Variants in ADAMTSL3 observed in about 807,000 individuals in gnomAD.
ADAMTSL3 encodes ADAMTS like 3, also known as ADAMTS-like protein 3.
Under a neutral mutation model 201.7 loss-of-function variants are expected in ADAMTSL3, and 128 were observed. The observed-to-expected ratio is 0.63, with a 90% CI of 0.55 to 0.73. The LOEUF is 0.73. Ranked by LOEUF, ADAMTSL3 falls within the 30% of genes least tolerant of loss-of-function variation. The pLI is 0.00. For missense variants in ADAMTSL3, 1,990 were observed against 2,119.6 expected (o/e 0.94, Z 1.20); for synonymous variants, 738 against 748.4 (o/e 0.99, Z 0.23).
rs1567318751 is a variant in ADAMTSL3 at position 84,037,916 on chromosome 15, T to C, written c.*110T>C. 2 of 1,433,536 alleles carry C rather than the reference T, an allele frequency of 1.4e-6. No homozygotes were observed. The highest frequency in any genetic ancestry group is 4.9e-5 in the East Asian group (2 of 40,518). 88.8% of individuals were successfully genotyped at this position (1,433,536 alleles called of 1,614,324 possible). A position where few individuals can be genotyped will look rare whatever the true frequency, so the allele number is the denominator to read the frequency against. ...GTATTTCTTAAAAGACTAGATTCTA[T>C]GGATCAAACAGAGGTTGATGCAAAA... On this transcript the variant is annotated 3_prime_UTR_variant, in exon 30 of 30. Coordinates refer to ENST00000286744, the MANE Select transcript of ADAMTSL3 (RefSeq NM_207517.3).
At chr15:83,859,513 A>G (rs2064811142) in intron 8 of ADAMTSL3, among the ~76,000 whole-genome samples, 1 of 152,194 alleles carries the variant, frequency 6.6e-6, no homozygotes. Context: ...TGTTATCTTC[A>G]GTTTCTATAG....
At chr15:83,886,600 G>C (rs2065396125) in intron 10 of ADAMTSL3, among the ~76,000 whole-genome samples, 1 of 152,124 alleles carries the variant, frequency 6.6e-6, no homozygotes, top group Non-Finnish European at 1.5e-5. Context: ...CCAGATCAGG[G>C]TATACAGGCT....
intron 7 of ADAMTSL3, among the ~76,000 whole-genome samples, chr15:83,852,838 G>A (rs2064647488): frequency 6.6e-6 from 1 of 152,042 alleles, no homozygotes; most frequent in South Asian, 2.1e-4. Context: ...AGATTTAAAT[G>A]TTGTTTTTGT....
At chr15:83,804,573 C>CTTTTTTTTTTT (rs59422343) in intron 4 of ADAMTSL3, 77 bp from the exon 5 acceptor site, 3 of 655,938 alleles carry the variant, frequency 4.6e-6, no homozygotes, top group African/African-American at 2.6e-5. Flanking sequence ...CTTGTATTTG[C>CTTTTTTTTTTT]TTTTTTTTTT....
chr15:83,669,249 G>T (rs911970255), intron 2 of ADAMTSL3, among the ~76,000 whole-genome samples: 2 of 151,588 alleles, frequency 1.3e-5, no homozygotes, highest in Non-Finnish European at 2.9e-5. Flanking sequence ...GGGTTCAAGC[G>T]ATTCTCCTGC....
At chr15:83,947,961 C>T (rs17370572) in intron 19 of ADAMTSL3, among the ~76,000 whole-genome samples, 17,411 of 152,198 alleles carry the variant, frequency 0.11, 1,462 homozygotes, top group Non-Finnish European at 0.17. Context: ...TGTCCATGTA[C>T]CACTGTCTTC....
intron 5 of ADAMTSL3, among the ~76,000 whole-genome samples, chr15:83,808,514 T>C (rs1216675667): frequency 6.6e-6 from 1 of 152,208 alleles, no homozygotes; most frequent in African/African-American, 2.4e-5. Flanking sequence ...AAGGGAACCC[T>C]TATTGCTATT....
Position 84,025,267 on chromosome 15 carries a change from CTG to C in ADAMTSL3, c.4491_4492del (p.Ser1498LeufsTer3). 6.2e-7 allele frequency: 1 copy of C among 1,611,998 alleles called. No individual in the cohort carries two copies. Among genetic ancestry groups the C allele is most frequent in the Non-Finnish European group, 8.5e-7 (1 of 1,178,934 alleles). On this transcript the variant is annotated frameshift_variant, in exon 27 of 30. Transcript: ENST00000286744. LOFTEE classifies it high-confidence loss of function. ...TTCACAAGTGTGTGGTCACAGTGCT[CTG>C]TGTCTTGCGGTGAAGGATACCACAG...
At chr15:83,956,529 C>T (rs1288340717) in intron 19 of ADAMTSL3, among the ~76,000 whole-genome samples, 2 of 152,160 alleles carry the variant, frequency 1.3e-5, no homozygotes, top group Non-Finnish European at 2.9e-5. Flanking sequence ...TTTTGCTAAG[C>T]ACTCTTCTAC....
chr15:83,897,200 A>G (rs2065633646), intron 13 of ADAMTSL3, among the ~76,000 whole-genome samples: 1 of 152,236 alleles, frequency 6.6e-6, no homozygotes, highest in South Asian at 2.1e-4. Context: ...GTAACTTTCA[A>G]ATCATAAACA....
At chr15:83,860,169 G>T (rs2064825595) in intron 8 of ADAMTSL3, among the ~76,000 whole-genome samples, 1 of 152,118 alleles carries the variant, frequency 6.6e-6, no homozygotes, top group Non-Finnish European at 1.5e-5. Flanking sequence ...TTGCACCACT[G>T]CAATCTGCCA....
In ADAMTSL3 at chr15:83,955,310, G is replaced by A. The variant is rs552819755; in HGVS notation, c.2490+12228G>A. ...CCATGGCCATCATCATCAGCAGTCCGTAGAGAGTTCTGCCAGGCTACCATT... is the reference window on the plus strand; with the variant it reads ...CCATGGCCATCATCATCAGCAGTCCATAGAGAGTTCTGCCAGGCTACCATT... On this transcript the variant is annotated intron_variant, in intron 19 of 29. Coordinates refer to ENST00000286744, the MANE Select transcript of ADAMTSL3 (RefSeq NM_207517.3). Among the ~76,000 whole-genome samples the A allele has an allele frequency of 1.3e-4, 20 of 152,214 alleles. 1 individual carries two copies. Among genetic ancestry groups the A allele is most frequent in the Non-Finnish European group, 1.5e-4 (10 of 68,006 alleles).
At chr15:83,942,525 T>C in intron 17 of ADAMTSL3, 71 bp from the exon 18 acceptor site, 2 of 1,441,870 alleles carry the variant, frequency 1.4e-6, no homozygotes, top group Non-Finnish European at 1.9e-6. Flanking sequence ...AGCTTCACGT[T>C]GTTCATGCTC....
chr15:83,993,231 A>G (rs757964168), intron 23 of ADAMTSL3, among the ~76,000 whole-genome samples: 1 of 152,232 alleles, frequency 6.6e-6, no homozygotes, highest in Non-Finnish European at 1.5e-5. Context: ...TTTTACAGAC[A>G]GTCTTGTCAC....
intron 4 of ADAMTSL3, among the ~76,000 whole-genome samples, chr15:83,788,593 G>T (rs4843156): frequency 0.78 from 118,800 of 152,052 alleles, 47,373 homozygotes; most frequent in East Asian, 0.98. Flanking sequence ...CATCTGGATT[G>T]CCTGCTCTTT....
At chr15:83,998,285 C>G (rs1254958531) in intron 23 of ADAMTSL3, among the ~76,000 whole-genome samples, 1 of 152,068 alleles carries the variant, frequency 6.6e-6, no homozygotes, top group African/African-American at 2.4e-5. Flanking sequence ...CGTGTCTCCA[C>G]TAAAAATACA....
intron 2 of ADAMTSL3, among the ~76,000 whole-genome samples, chr15:83,681,878 C>T (rs1215063653): frequency 6.6e-6 from 1 of 152,214 alleles, no homozygotes; most frequent in Non-Finnish European, 1.5e-5. Flanking sequence ...CTCCCCATAA[C>T]ATTGCTCCTC....
In ADAMTSL3 at chr15:83,897,692, T is replaced by C. The variant is rs7162129; in HGVS notation, c.1468-166T>C. Among the ~76,000 whole-genome samples, 95,468 of 152,042 alleles carry C rather than the reference T, an allele frequency of 0.63. 31,078 individuals carry two copies. The highest frequency in any genetic ancestry group is 0.79 in the African/African-American group (32,777 of 41,508). On this transcript the variant is annotated intron_variant, in intron 13 of 29. Coordinates refer to ENST00000286744, the MANE Select transcript of ADAMTSL3 (RefSeq NM_207517.3). ...CAAAAGAGGGGCCCTGAAATACAAG[T>C]ATCACAGAAAATTAGCCTCTGTACC...
At chr15:83,861,909 T>A (rs577383563) in intron 8 of ADAMTSL3, 2 of 151,980 alleles carry the variant, frequency 1.3e-5, no homozygotes, top group Non-Finnish European at 2.9e-5. Flanking sequence ...GAATAACCAA[T>A]GCAGAGAAGT....
Sources: gnomAD v4.1 joint callset for allele counts (sites outside exome capture counted in the v4.1 genomes callset) on GRCh38, gnomAD v4.1.1 for gene constraint, MANE v1.5 for transcripts, NCBI Gene and HGNC (gene_info 2026-07-23, HGNC 2026-07-21) for gene names.